Variants in TMOD1 observed in about 807,000 individuals in gnomAD.
The protein encoded by TMOD1 is tropomodulin 1.
In TMOD1, 17 loss-of-function variants were observed where a neutral mutation model predicts 40.6. The ratio of observed to expected loss-of-function variants is 0.42; its 90% CI spans 0.29 to 0.63. TMOD1 has a LOEUF of 0.63. Ranked by LOEUF, TMOD1 falls within the 20% of genes least tolerant of loss-of-function variation. TMOD1 has a pLI of 0.22. For missense variants in TMOD1, 391 were observed against 447.6 expected (o/e 0.87, Z 1.14); for synonymous variants, 181 against 175.0 (o/e 1.03, Z -0.27).
chr9:97,548,222 C>G (rs767789194), intron 3 of TMOD1, among the ~76,000 whole-genome samples: 1 of 152,132 alleles, frequency 6.6e-6, no homozygotes, highest in Non-Finnish European at 1.5e-5. Context: ...GCTGGCTCCC[C>G]TGTATCGCAG....
chr9:97,511,719 G>A (rs1400534915), intron 1 of TMOD1, among the ~76,000 whole-genome samples: 1 of 152,100 alleles, frequency 6.6e-6, no homozygotes, highest in Admixed American at 6.5e-5. Context: ...TGAGTAGCTG[G>A]GACTACAGGA....
chr9:97,591,222 G>A, intron 8 of TMOD1, 69 bp from the exon 9 acceptor site: 3 of 1,490,258 alleles, frequency 2.0e-6, no homozygotes, highest in South Asian at 2.6e-5. Flanking sequence ...GGTAGAGGTG[G>A]TTTAGGCACT....
At chr9:97,569,865 G>A (rs956983132) in intron 8 of TMOD1, among the ~76,000 whole-genome samples, 1 of 152,126 alleles carries the variant, frequency 6.6e-6, no homozygotes, top group Non-Finnish European at 1.5e-5. Flanking sequence ...AGGTCTCTTT[G>A]ACTCTAAAAC....
intron 1 of TMOD1, among the ~76,000 whole-genome samples, chr9:97,505,518 T>C (rs1829577585): frequency 6.6e-6 from 1 of 152,186 alleles, no homozygotes; most frequent in South Asian, 2.1e-4. Flanking sequence ...CCTCTGGGCA[T>C]CCTTCAGCCT....
Position 97,555,319 on chromosome 9 carries a change from T to C in TMOD1, c.397+1919T>C, listed in dbSNP as rs572503636. On this transcript the variant is annotated intron_variant, in intron 4 of 9. Transcript: ENST00000259365. ...GATGCCTTGGTGCGGCATCTCCACA[T>C]GGACTGGGGCTGTTTTTACCCTGGA... 4 of 1,136,424 alleles carry C rather than the reference T, an allele frequency of 3.5e-6. No individual in the cohort carries two copies. In the African/African-American group the frequency reaches 6.5e-5, roughly 18 times the overall value. 70.4% of individuals were successfully genotyped at this position (1,136,424 alleles called of 1,614,324 possible). A position where few individuals can be genotyped will look rare whatever the true frequency, so the allele number is the denominator to read the frequency against.
chr9:97,565,574 C>T (rs148626965), intron 6 of TMOD1, among the ~76,000 whole-genome samples: 5 of 152,234 alleles, frequency 3.3e-5, no homozygotes, highest in East Asian at 3.9e-4. Context: ...CAATACTACA[C>T]GCCTTAATTT....
intron 1 of TMOD1, 54 bp from the exon 2 acceptor site, chr9:97,524,086 CT>C: frequency 7.1e-7 from 1 of 1,404,696 alleles, no homozygotes; most frequent in Non-Finnish European, 9.6e-7. Context: ...CCTCCATTTG[CT>C]CTGAGAGAGC....
At chr9:97,596,146 TC>T (rs1259970892) in intron 9 of TMOD1, among the ~76,000 whole-genome samples, 3 of 151,896 alleles carry the variant, frequency 2.0e-5, no homozygotes, top group African/African-American at 7.3e-5. Context: ...CTGGGCCTGT[TC>T]CTAGATGCTG....
At chr9:97,593,792 A>G (rs1295889322) in intron 9 of TMOD1, among the ~76,000 whole-genome samples, 1 of 152,002 alleles carries the variant, frequency 6.6e-6, no homozygotes, top group East Asian at 1.9e-4. Context: ...GGAGGTCTAG[A>G]GGCATCCCTC....
chr9:97,524,035 C>A, intron 1 of TMOD1, 106 bp from the exon 2 acceptor site: 1 of 752,196 alleles, frequency 1.3e-6, no homozygotes, highest in South Asian at 2.2e-5. Flanking sequence ...ATTATCCTGG[C>A]AATTCATAAA....
chr9:97,541,751 G>A (rs750131534), intron 2 of TMOD1, among the ~76,000 whole-genome samples: 2 of 152,002 alleles, frequency 1.3e-5, no homozygotes, highest in African/African-American at 4.8e-5. Flanking sequence ...CCTGACCTCA[G>A]GTGACCCACC....
chr9:97,553,424 C>T (rs1830482925), intron 4 of TMOD1, 24 bp downstream of exon 4: 1 of 1,613,796 alleles, frequency 6.2e-7, no homozygotes, highest in South Asian at 1.1e-5. Flanking sequence ...CAGGAGCTTT[C>T]CACATCCTCC....
chr9:97,554,072 C>A (rs554566602), intron 4 of TMOD1, among the ~76,000 whole-genome samples: 3 of 152,152 alleles, frequency 2.0e-5, no homozygotes, highest in African/African-American at 7.2e-5. Flanking sequence ...TGGCCACATC[C>A]GGCACCTTGT....
At chr9:97,562,267 C>T (rs138399227) in intron 4 of TMOD1, among the ~76,000 whole-genome samples, 134 of 152,302 alleles carry the variant, frequency 8.8e-4, no homozygotes, top group African/African-American at 3.1e-3. Context: ...TGTGACAATA[C>T]AGCCAAAGAA....
chr9:97,534,319 C>T (rs1830147366), intron 2 of TMOD1, among the ~76,000 whole-genome samples: 1 of 152,214 alleles, frequency 6.6e-6, no homozygotes, highest in African/African-American at 2.4e-5. Context: ...ATGTTCTACT[C>T]TGCTGAAAGC....
At chr9:97,597,952 C>CGATATG (rs1390399489) in intron 9 of TMOD1, among the ~76,000 whole-genome samples, 2 of 152,036 alleles carry the variant, frequency 1.3e-5, no homozygotes, top group Admixed American at 1.3e-4. Context: ...GAATCAGATG[C>CGATATG]GATATGGATA....
intron 7 of TMOD1, 146 bp downstream of exon 7, chr9:97,566,101 G>C (rs774944183): frequency 1.6e-6 from 1 of 623,712 alleles, no homozygotes. Flanking sequence ...GCCATGAGGG[G>C]TGTAGAGGGA....
At chr9:97,520,426 GT>G (rs1391977416) in intron 1 of TMOD1, among the ~76,000 whole-genome samples, 3 of 150,526 alleles carry the variant, frequency 2.0e-5, no homozygotes, top group Non-Finnish European at 4.4e-5. Context: ...TGAACACACT[GT>G]TTTCGCCTCC....
In TMOD1 at chr9:97,513,771, A is replaced by G. The variant is rs1011359028; in HGVS notation, c.-48-10370A>G. 3.3e-5 allele frequency: 5 copies of G among 152,252 alleles called. No homozygotes were observed. Among genetic ancestry groups the G allele is most frequent in the African/African-American group, 1.2e-4 (5 of 41,466 alleles). 9.4% of individuals were successfully genotyped at this position (152,252 alleles called of 1,614,324 possible). On this transcript the variant is annotated intron_variant, in intron 1 of 9. Coordinates refer to ENST00000259365, the MANE Select transcript of TMOD1 (RefSeq NM_003275.4). The surrounding 1 kb of genome is among the most constrained non-coding windows in gnomAD (Gnocchi z 4.1). ...AAGGTCATATGGCAGGTCCTCAACT[A>G]AAGTCAGGACTTGTAACCAGGCCCC...
Sources: allele counts gnomAD v4.1 joint callset (sites outside exome capture counted in the v4.1 genomes callset), GRCh38; gene constraint gnomAD v4.1.1; non-coding constraint Gnocchi (gnomAD v3.1); transcripts MANE v1.5; gene names NCBI Gene and HGNC (gene_info 2026-07-23, HGNC 2026-07-21).